The following EXOC6B variants were observed in gnomAD, a reference collection of about 807,000 sequenced individuals.
EXOC6B encodes the protein SEC15 homolog B.
A neutral mutation model predicts 113.5 loss-of-function variants in EXOC6B; 54 were observed. That is an observed-to-expected ratio of 0.48 (90% CI 0.38 to 0.60). The LOEUF (loss-of-function observed/expected upper bound fraction) is 0.60. Ranked by LOEUF, EXOC6B falls within the 20% of genes least tolerant of loss-of-function variation. EXOC6B has a pLI of 0.00. For synonymous variants in EXOC6B, 357 were observed against 339.0 expected (o/e 1.05, Z -0.58); for missense variants, 797 against 977.5 (o/e 0.82, Z 2.46).
Position 72,643,687 on chromosome 2 carries a change from A to G in EXOC6B, c.670-68019T>C, listed in dbSNP as rs375504367. Among the ~76,000 whole-genome samples the G allele has an allele frequency of 2.1e-4, 32 of 150,220 alleles. No individual in the cohort carries two copies. In the East Asian group the frequency reaches 6.1e-3, roughly 29 times the overall value. ...TAGATGACGAGTTAGTGGGTGCAGC[A>G]CACCAGCATGGCACATGTATACGTA... On this transcript the variant is annotated intron_variant, in intron 6 of 21. Transcript: ENST00000272427.
intron 1 of EXOC6B, among the ~76,000 whole-genome samples, chr2:72,807,844 C>CA (rs35368851): frequency 8.1e-4 from 110 of 135,904 alleles, no homozygotes; most frequent in Admixed American, 2.0e-3. Context: ...TTAATGAGTA[C>CA]AAAAAAAAAA....
chr2:72,563,306 T>C (rs1248738688), intron 7 of EXOC6B, among the ~76,000 whole-genome samples: 1 of 152,162 alleles, frequency 6.6e-6, no homozygotes, highest in Non-Finnish European at 1.5e-5. Flanking sequence ...TAATGGATCC[T>C]ACTGGCATCC....
In EXOC6B at chr2:72,534,734, C is replaced by T. The variant is rs977696963; in HGVS notation, c.916-19608G>A. On this transcript the variant is annotated intron_variant, in intron 8 of 21. Transcript: ENST00000272427. ...TCTACAACTCTTTATGTTGCAATTGCTGTCACTATAAGAAAACTGAAAGCC... is the reference window on the plus strand; with the variant it reads ...TCTACAACTCTTTATGTTGCAATTGTTGTCACTATAAGAAAACTGAAAGCC... 4.6e-5 allele frequency among the ~76,000 whole-genome samples: 7 copies of T among 152,138 alleles called. No homozygotes were observed. The East Asian group carries it at 1.2e-3, about 25-fold the overall frequency.
At chr2:72,405,428 C>A (rs967325555) in intron 18 of EXOC6B, among the ~76,000 whole-genome samples, 2 of 152,054 alleles carry the variant, frequency 1.3e-5, no homozygotes, top group Non-Finnish European at 2.9e-5. Flanking sequence ...AAATGAAGGA[C>A]AAAATGTTAA....
intron 20 of EXOC6B, among the ~76,000 whole-genome samples, chr2:72,290,214 A>G (rs944195703): frequency 2.6e-5 from 4 of 152,178 alleles, no homozygotes; most frequent in Non-Finnish European, 4.4e-5. Flanking sequence ...AGCCTCTATT[A>G]TCATGTGAGC....
chr2:72,632,632 T>C (rs1332114185), intron 6 of EXOC6B, among the ~76,000 whole-genome samples: 2 of 152,216 alleles, frequency 1.3e-5, no homozygotes, highest in African/African-American at 2.4e-5. Flanking sequence ...TTGCATGGGA[T>C]AGATAGCAAC....
At position 72,265,951 on chromosome 2, in the gene EXOC6B, T is replaced by C. The variant is rs895825453; in HGVS notation, c.2196+68996A>G. 2.8e-3 allele frequency among the ~76,000 whole-genome samples: 425 copies of C among 151,846 alleles called. 3 individuals are homozygous for C. The highest frequency in any genetic ancestry group is 9.1e-3 in the African/African-American group (379 of 41,546). ...ACTTTTTAATAATTGCCATTCTAAC[T>C]GGTGTGAGATGGTATCTCATTGTGG... is the stretch of plus-strand genomic sequence containing the variant. On this transcript the variant is annotated intron_variant, in intron 20 of 21. Transcript: ENST00000272427.
At chr2:72,547,809 T>C (rs1216284221) in intron 8 of EXOC6B, among the ~76,000 whole-genome samples, 1 of 152,186 alleles carries the variant, frequency 6.6e-6, no homozygotes. Context: ...CACCCGTCTT[T>C]ATAACTACCA....
chr2:72,767,808 TAAAAAAAAAAAA>T (rs34358568), intron 1 of EXOC6B, among the ~76,000 whole-genome samples: 1 of 12,680 alleles, frequency 7.9e-5, no homozygotes, highest in Non-Finnish European at 1.5e-4. Context: ...GAGACCTTGT[TAAAAAAAAAAAA>T]AAAAAAAAAA....
At chr2:72,428,322 C>T (rs963068839) in intron 18 of EXOC6B, among the ~76,000 whole-genome samples, 4 of 152,218 alleles carry the variant, frequency 2.6e-5, no homozygotes, top group Non-Finnish European at 5.9e-5. Flanking sequence ...GCTCCCAGAG[C>T]CAGGGTGGTG....
chr2:72,308,845 T>C (rs1257276247), intron 20 of EXOC6B, among the ~76,000 whole-genome samples: 1 of 152,144 alleles, frequency 6.6e-6, no homozygotes, highest in African/African-American at 2.4e-5. Flanking sequence ...CAATCTTATC[T>C]GCTTTCTTTT....
intron 18 of EXOC6B, among the ~76,000 whole-genome samples, chr2:72,446,727 A>C (rs1696607263): frequency 6.6e-6 from 1 of 152,178 alleles, no homozygotes; most frequent in Non-Finnish European, 1.5e-5. Context: ...CTGTGACACA[A>C]GTTTACCTAC....
chr2:72,188,744 C>G (rs1167932666), intron 20 of EXOC6B, among the ~76,000 whole-genome samples: 1 of 152,138 alleles, frequency 6.6e-6, no homozygotes, highest in Non-Finnish European at 1.5e-5. Context: ...CATTAGTGAC[C>G]ACTAATATTC....
chr2:72,644,252 C>T lies in EXOC6B; in HGVS notation c.670-68584G>A, dbSNP rs562754287. ...CAAGAAGATAAGTTTAGAGAAAAAA[C>T]AGCAAAAAGAAATGAACAAAGCCTC... On this transcript the variant is annotated intron_variant, in intron 6 of 21. Coordinates refer to ENST00000272427, the MANE Select transcript of EXOC6B (RefSeq NM_015189.3). 1.8e-4 allele frequency among the ~76,000 whole-genome samples: 28 copies of T among 152,010 alleles called. No individual in the cohort carries two copies. In the South Asian group the frequency reaches 5.8e-3, roughly 32 times the overall value.
chr2:72,618,212 T>C (rs538712250), intron 6 of EXOC6B, among the ~76,000 whole-genome samples: 8 of 152,088 alleles, frequency 5.3e-5, no homozygotes, highest in Non-Finnish European at 1.0e-4. Flanking sequence ...CTACTAAAAA[T>C]ACAAAAATTA....
At chr2:72,714,116 T>C (rs1187017706) in intron 6 of EXOC6B, among the ~76,000 whole-genome samples, 1 of 152,204 alleles carries the variant, frequency 6.6e-6, no homozygotes, top group East Asian at 1.9e-4. Flanking sequence ...TGCACTTTGG[T>C]ATTTACATAA....
intron 1 of EXOC6B, among the ~76,000 whole-genome samples, chr2:72,786,882 T>C (rs1268271465): frequency 6.6e-6 from 1 of 152,132 alleles, no homozygotes; most frequent in Non-Finnish European, 1.5e-5. Flanking sequence ...GTTGTCCAAG[T>C]GAAAAACAGT....
At chr2:72,332,500 G>T (rs1688468567) in intron 20 of EXOC6B, among the ~76,000 whole-genome samples, 1 of 152,024 alleles carries the variant, frequency 6.6e-6, no homozygotes. Flanking sequence ...TCTAATTGGG[G>T]ATGCCCAAAT....
intron 6 of EXOC6B, among the ~76,000 whole-genome samples, chr2:72,697,775 G>A (rs569085350): frequency 1.6e-4 from 24 of 152,256 alleles, no homozygotes; most frequent in African/African-American, 2.9e-4. Flanking sequence ...AATAGAATGC[G>A]TCTGCACTTT....
Sources: gnomAD v4.1 joint callset for allele counts (sites outside exome capture counted in the v4.1 genomes callset) on GRCh38, gnomAD v4.1.1 for gene constraint, MANE v1.5 for transcripts, NCBI Gene and HGNC (gene_info 2026-07-23, HGNC 2026-07-21) for gene names.